ADNP: variants seen among roughly 807,000 people sequenced by gnomAD.
The protein encoded by ADNP is activity-dependent neuroprotector homeobox protein.
A neutral mutation model predicts 84.9 loss-of-function variants in ADNP; 4 were observed. The observed-to-expected ratio is 0.05, with a 90% CI of 0.02 to 0.11. The LOEUF (loss-of-function observed/expected upper bound fraction) is 0.11, where lower values mean the gene tolerates loss of function less well. ADNP is among the 10% of genes least tolerant of loss of function. The pLI is 1.00. For missense variants in ADNP, 1,132 were observed against 1,326.0 expected (o/e 0.85, Z 2.27); for synonymous variants, 554 against 468.1 (o/e 1.18, Z -2.37).
rs550368602 is a variant in ADNP at position 50,928,136 on chromosome 20, T to C, written c.-90+515A>G. Among the ~76,000 whole-genome samples the C allele has an allele frequency of 2.0e-5, 3 of 152,322 alleles. No individual in the cohort carries two copies. In the South Asian group the frequency reaches 6.2e-4, roughly 32 times the overall value. Reference sequence around the variant, plus strand: ...ATGTTACCTGGTAGCAATTCTCCAATGAAAAATTCTCCTGTTAAGCACCAA... The same window carrying C: ...ATGTTACCTGGTAGCAATTCTCCAACGAAAAATTCTCCTGTTAAGCACCAA... On this transcript the variant is annotated intron_variant, in intron 2 of 5. Transcript: ENST00000621696.
Position 50,892,525 on chromosome 20 carries a change from C to T in ADNP, c.2189G>A (p.Arg730Gln), listed in dbSNP as rs377051194. The T allele has an allele frequency of 3.2e-5, 51 of 1,614,042 alleles. No individual in the cohort carries two copies. The highest frequency in any genetic ancestry group is 4.2e-5 in the Non-Finnish European group (50 of 1,180,034). The change falls in exon 6 of 6, where the codon CGA becomes CAA. Residue 730 changes from arginine to glutamine, a missense_variant. Arg to Gln is a conservative substitution (Grantham distance 43, BLOSUM62 1). Around this residue, in one of 10 missense-constraint regions of ADNP, gnomAD observed 101 missense variants for 78.5 expected, o/e 1.29. Transcript: ENST00000621696. The part of the protein sequence containing the change: ...EQMEFPLLKK[R>Q]KLDDDSDSPS... ...TGAATCACTATCATCATCTAACTTT[C>T]GTTTTTTCAGTAAGGGAAATTCCAT...
At chr20:50,900,424 A>G (rs1981853982) in intron 5 of ADNP, among the ~76,000 whole-genome samples, 1 of 152,230 alleles carries the variant, frequency 6.6e-6, no homozygotes, top group Non-Finnish European at 1.5e-5. Flanking sequence ...CTCAGAATGC[A>G]TCCCATCATT....
At position 50,908,134 on chromosome 20, in the gene ADNP, C is replaced by G. The variant is rs1982667675; in HGVS notation, c.-89-3285G>C. On this transcript the variant is annotated intron_variant, in intron 2 of 5. Coordinates refer to ENST00000621696, the MANE Select transcript of ADNP (RefSeq NM_001282531.3). ...ACACTGGCACCTTCAAAAGCATTTG[C>G]AAAGATTTTTCTGTTTTTTTTTTTT... Among the ~76,000 whole-genome samples the G allele has an allele frequency of 2.2e-5, 3 of 137,954 alleles. No homozygotes were observed. The Admixed American group carries it at 2.2e-4, about 10-fold the overall frequency. 90.5% of individuals were successfully genotyped at this position (137,954 alleles called of 152,430 possible). A position where few individuals can be genotyped will look rare whatever the true frequency, so the allele number is the denominator to read the frequency against.
At position 50,905,055 on chromosome 20, in the gene ADNP, CTGTA is replaced by C. The variant is rs1410320853; in HGVS notation, c.-89-210_-89-207del. 7.2e-5 allele frequency: 11 copies of C among 152,150 alleles called. No individual in the cohort carries two copies. In the East Asian group the frequency reaches 2.1e-3, roughly 29 times the overall value. 9.4% of individuals were successfully genotyped at this position (152,150 alleles called of 1,614,324 possible). A position where few individuals can be genotyped will look rare whatever the true frequency, so the allele number is the denominator to read the frequency against. The stretch of plus-strand genomic sequence containing the variant: ...GGTACTTTTGAAAAAAATGAAAAGC[CTGTA>C]TGTGTCTAAGGGAACTCAAAAATTA... On this transcript the variant is annotated intron_variant, in intron 2 of 5. Coordinates refer to ENST00000621696, the MANE Select transcript of ADNP (RefSeq NM_001282531.3).
chr20:50,910,841 A>G (rs1982958122), intron 2 of ADNP, among the ~76,000 whole-genome samples: 1 of 152,090 alleles, frequency 6.6e-6, no homozygotes, highest in Admixed American at 6.6e-5. Context: ...AAAATTTAAT[A>G]GGGGTCCTCC....
At chr20:50,915,466 A>G (rs1983437704) in intron 2 of ADNP, among the ~76,000 whole-genome samples, 1 of 152,226 alleles carries the variant, frequency 6.6e-6, no homozygotes, top group Non-Finnish European at 1.5e-5. Context: ...GCCTACAGCC[A>G]GACTGGAAAC....
intron 5 of ADNP, among the ~76,000 whole-genome samples, chr20:50,899,602 T>G (rs1321229517): frequency 6.6e-6 from 1 of 152,070 alleles, no homozygotes; most frequent in Admixed American, 6.6e-5. Context: ...GCCAGATCCT[T>G]CAGGAGGTAT....
At position 50,925,794 on chromosome 20, in the gene ADNP, C is replaced by T. The variant is rs1233592570; in HGVS notation, c.-90+2857G>A. On this transcript the variant is annotated intron_variant, in intron 2 of 5. Transcript: ENST00000621696. ...ACGGCATTTACTCCAGTTACTATCA[C>T]AAGCTCTTACAAAACTAGGAGAGGG... 2.6e-5 allele frequency among the ~76,000 whole-genome samples: 4 copies of T among 152,218 alleles called. No homozygotes were observed. In the South Asian group the frequency reaches 8.3e-4, roughly 31 times the overall value.
chr20:50,920,859 C>T (rs181228740), intron 2 of ADNP, among the ~76,000 whole-genome samples: 1 of 152,294 alleles, frequency 6.6e-6, no homozygotes, highest in Non-Finnish European at 1.5e-5. Context: ...TACCTTATAA[C>T]TTCAAACCTC....
In ADNP at chr20:50,900,591, T is replaced by C. The variant is rs529257737; in HGVS notation, c.201+1426A>G. On this transcript the variant is annotated intron_variant, in intron 5 of 5. Transcript: ENST00000621696. ...TAGCAAGTTTTTCAGCTCAATTATA[T>C]TCTTATGGGACCACTGTCGTAGATG... Among the ~76,000 whole-genome samples the C allele has an allele frequency of 3.9e-5, 6 of 152,340 alleles. No individual in the cohort carries two copies. The East Asian group carries it at 1.2e-3, about 29-fold the overall frequency.
At chr20:50,919,192 G>A (rs556350784) in intron 2 of ADNP, among the ~76,000 whole-genome samples, 1 of 151,836 alleles carries the variant, frequency 6.6e-6, no homozygotes, top group African/African-American at 2.4e-5. Context: ...CATCTCACAG[G>A]TGTAGCTCAC....
At chr20:50,929,049 T>G (rs954578299) in intron 1 of ADNP, among the ~76,000 whole-genome samples, 4 of 152,164 alleles carry the variant, frequency 2.6e-5, no homozygotes, top group African/African-American at 9.7e-5. Flanking sequence ...CCAACAAGGC[T>G]TTGCAAATCA....
chr20:50,925,559 C>A (rs558327854), intron 2 of ADNP, among the ~76,000 whole-genome samples: 1 of 152,300 alleles, frequency 6.6e-6, no homozygotes, highest in East Asian at 1.9e-4. Flanking sequence ...TGGCCACCCA[C>A]AATGGGCAAA....
At chr20:50,902,524 C>T (rs1341496889) in intron 4 of ADNP, among the ~76,000 whole-genome samples, 1 of 151,734 alleles carries the variant, frequency 6.6e-6, no homozygotes, top group African/African-American at 2.4e-5. Context: ...AGATTTTTTT[C>T]GAGGGGAGGG....
chr20:50,891,000 A>G lies in ADNP; in HGVS notation c.*405T>C. On this transcript the variant is annotated 3_prime_UTR_variant, in exon 6 of 6. Transcript: ENST00000621696. ...TACATGAAAAAAAATCGCTTTTCCC[A>G]AAGTCTACTATACACATTAGACTGG... 3 of 1,000,422 alleles carry G rather than the reference A, an allele frequency of 3.0e-6. No homozygotes were observed. Among genetic ancestry groups the G allele is most frequent in the South Asian group, 4.6e-5 (1 of 21,506 alleles). The allele number at this position is 1,000,422 out of a possible 1,614,324, so 62.0% of individuals were successfully genotyped here.
At chr20:50,921,244 T>C (rs1397053095) in intron 2 of ADNP, among the ~76,000 whole-genome samples, 1 of 152,180 alleles carries the variant, frequency 6.6e-6, no homozygotes. Context: ...TCAGATGTGG[T>C]TGCCATAACA....
Position 50,899,580 on chromosome 20 carries a change from A to T in ADNP, c.201+2437T>A, listed in dbSNP as rs182503789. Among the ~76,000 whole-genome samples, 23 of 152,198 alleles carry T rather than the reference A, an allele frequency of 1.5e-4. 1 individual carries two copies. Among genetic ancestry groups the T allele is most frequent in the African/African-American group, 5.5e-4 (23 of 41,524 alleles). ...TATTTTTTAAAAAAAAGTTAACTCT[A>T]AAACAGCCTCAGCCAGATCCTTCAG... On this transcript the variant is annotated intron_variant, in intron 5 of 5. Coordinates refer to ENST00000621696, the MANE Select transcript of ADNP (RefSeq NM_001282531.3).
At chr20:50,919,291 G>GTATATATA (rs199569280) in intron 2 of ADNP, among the ~76,000 whole-genome samples, 61 of 77,208 alleles carry the variant, frequency 7.9e-4, no homozygotes, top group East Asian at 1.1e-3. Context: ...ATATTTAAGT[G>GTATATATA]TATATATATA....
rs1292318118 is a variant in ADNP at position 50,931,227 on chromosome 20, A to AG, written c.-667dup. On this transcript the variant is annotated 5_prime_UTR_variant, in exon 1 of 6. Coordinates refer to ENST00000621696, the MANE Select transcript of ADNP (RefSeq NM_001282531.3). ...CCTTAGCGCTGCCTGCGGGAGGGGG[A>AG]GGGGGCACAAGATGGCGGCGGCCGG... 2.5e-5 allele frequency: 2 copies of AG among 79,836 alleles called. No individual in the cohort carries two copies. The highest frequency in any genetic ancestry group is 9.3e-5 in the African/African-American group (2 of 21,448). 4.9% of individuals were successfully genotyped at this position (79,836 alleles called of 1,614,324 possible). A position where few individuals can be genotyped will look rare whatever the true frequency, so the allele number is the denominator to read the frequency against.
Sources: gnomAD v4.1 joint callset for allele counts (sites outside exome capture counted in the v4.1 genomes callset) on GRCh38, gnomAD v4.1.1 for gene constraint, gnomAD v4.1.1 regional missense constraint, MANE v1.5 for transcripts, NCBI Gene and HGNC (gene_info 2026-07-23, HGNC 2026-07-21) for gene names.